ARMC3: variants seen among roughly 807,000 people sequenced by gnomAD.
ARMC3 encodes the protein armadillo repeat-containing protein 3.
In ARMC3, 74 loss-of-function variants were observed where a neutral mutation model predicts 90.3. That is an observed-to-expected ratio of 0.82 (90% confidence interval 0.68 to 0.99). The LOEUF is 0.99. ARMC3 is among the 50% of genes least tolerant of loss of function. The pLI is 0.00. For synonymous variants in ARMC3, 334 were observed against 361.8 expected (o/e 0.92, Z 0.87); for missense variants, 958 against 1,042.8 (o/e 0.92, Z 1.12).
intron 10 of ARMC3, among the ~76,000 whole-genome samples, chr10:22,996,935 T>A (rs978708140): frequency 7.3e-5 from 11 of 151,178 alleles, no homozygotes; most frequent in Non-Finnish European, 8.9e-5. Context: ...TTTTTTTTTT[T>A]AATTTTGGTT....
intron 16 of ARMC3, chr10:23,014,062 T>G: frequency 6.5e-7 from 1 of 1,546,434 alleles, no homozygotes; most frequent in East Asian, 2.4e-5. Context: ...TTCTTTGTAC[T>G]GTCTTCACTC....
intron 10 of ARMC3, among the ~76,000 whole-genome samples, chr10:22,997,947 A>G (rs1837072832): frequency 6.6e-6 from 1 of 152,234 alleles, no homozygotes; most frequent in South Asian, 2.1e-4. Context: ...AAAAAGAATT[A>G]TTTAAATTCA....
intron 16 of ARMC3, among the ~76,000 whole-genome samples, chr10:23,012,123 T>A (rs1399864957): frequency 6.6e-6 from 1 of 152,210 alleles, no homozygotes; most frequent in African/African-American, 2.4e-5. Flanking sequence ...TTCTTACAGC[T>A]CAATCTGGTT....
chr10:23,016,669 G>A (rs1050510725), intron 16 of ARMC3, among the ~76,000 whole-genome samples: 2 of 152,160 alleles, frequency 1.3e-5, no homozygotes, highest in Non-Finnish European at 2.9e-5. Flanking sequence ...AGACTTCATG[G>A]GAAAGAAGTC....
At chr10:22,994,556 CAAAAAA>C (rs902641055) in intron 10 of ARMC3, among the ~76,000 whole-genome samples, 1 of 151,882 alleles carries the variant, frequency 6.6e-6, no homozygotes, top group Admixed American at 6.6e-5. Flanking sequence ...AAAAATATAA[CAAAAAA>C]GAAAAAGAAA....
intron 8 of ARMC3, among the ~76,000 whole-genome samples, chr10:22,976,168 T>C (rs1226215588): frequency 6.6e-6 from 1 of 152,192 alleles, no homozygotes; most frequent in Non-Finnish European, 1.5e-5. Context: ...AGGCCCTTCA[T>C]TGTCTGTGGC....
chr10:23,030,586 A>C lies in ARMC3; in HGVS notation c.2046-10A>C. The C allele has an allele frequency of 6.2e-7, 1 of 1,606,734 alleles. No homozygotes were observed. Among genetic ancestry groups the C allele is most frequent in the Non-Finnish European group, 8.5e-7 (1 of 1,176,072 alleles). On this transcript the variant is annotated splice_polypyrimidine_tract_variant and intron_variant, in intron 16 of 18. Coordinates refer to ENST00000298032, the MANE Select transcript of ARMC3 (RefSeq NM_173081.5). Reference sequence around the variant, plus strand: ...GATGTGATTTTGATTGCCCTTGTTTACTTTCAAAGGAAAAGCAAAGGAAAA... The same window carrying C: ...GATGTGATTTTGATTGCCCTTGTTTCCTTTCAAAGGAAAAGCAAAGGAAAA...
intron 3 of ARMC3, among the ~76,000 whole-genome samples, chr10:22,954,325 A>C (rs1053641131): frequency 4.6e-5 from 7 of 152,288 alleles, no homozygotes; most frequent in Admixed American, 1.3e-4. Flanking sequence ...TCTTTTAAAA[A>C]AATTTTCTAG....
At chr10:22,940,714 G>A (rs2995679) in intron 2 of ARMC3, among the ~76,000 whole-genome samples, 57,403 of 151,864 alleles carry the variant, frequency 0.38, 11,789 homozygotes, top group African/African-American at 0.55. Flanking sequence ...TTGAATTCTC[G>A]GCCTCAAGTG....
At chr10:23,012,045 C>T (rs188972030) in intron 16 of ARMC3, among the ~76,000 whole-genome samples, 6 of 152,316 alleles carry the variant, frequency 3.9e-5, no homozygotes, top group African/African-American at 1.2e-4. Context: ...CTCACCCAGA[C>T]GAATGAACAC....
At chr10:23,007,937 A>G (rs923918617) in intron 14 of ARMC3, among the ~76,000 whole-genome samples, 2 of 151,944 alleles carry the variant, frequency 1.3e-5, no homozygotes, top group African/African-American at 2.4e-5. Context: ...AACCCCATCT[A>G]TACAAAAAAT....
In ARMC3 at chr10:23,038,040, G is replaced by C. The variant is rs1336165433; in HGVS notation, c.*561G>C. Reference sequence around the variant, plus strand: ...TCATCATTAAAAACACTTTAATATAGTGAATTAAAAATATTTCTAAAGTAT... The same window carrying C: ...TCATCATTAAAAACACTTTAATATACTGAATTAAAAATATTTCTAAAGTAT... On this transcript the variant is annotated 3_prime_UTR_variant, in exon 19 of 19. Transcript: ENST00000298032. 1 of 151,984 alleles carries C rather than the reference G, an allele frequency of 6.6e-6. No individual in the cohort carries two copies. The highest frequency in any genetic ancestry group is 1.5e-5 in the Non-Finnish European group (1 of 67,994). The allele number at this position is 151,984 out of a possible 1,614,324, so 9.4% of individuals were successfully genotyped here. A position where few individuals can be genotyped will look rare whatever the true frequency, so the allele number is the denominator to read the frequency against.
rs1413359952 is a variant in ARMC3, at chr10:23,037,358, C to G, written c.2498C>G (p.Ser833Cys). ...AATGAAGTCATGCTGCAGAATGACT[C>G]TCGGAAGGGAGTGATTGGGGGCCTC... Reference protein sequence around the residue: ...AWNEVMLQNDSRKGVIGGLPA... With the variant: ...AWNEVMLQNDCRKGVIGGLPA... Residue 833 changes from serine (S) to cysteine (C), a missense_variant, in exon 19 of 19, where the codon TCT (serine) becomes TGT (cysteine). By Grantham distance (112) the Ser-to-Cys change is moderately radical. Coordinates refer to ENST00000298032, the MANE Select transcript of ARMC3 (RefSeq NM_173081.5). 1.2e-6 allele frequency: 2 copies of G among 1,613,854 alleles called. No individual in the cohort carries two copies. The highest frequency in any genetic ancestry group is 3.3e-5 in the Admixed American group (2 of 59,992).
intron 10 of ARMC3, among the ~76,000 whole-genome samples, chr10:22,989,278 A>C (rs1176698864): frequency 6.6e-6 from 1 of 152,226 alleles, no homozygotes; most frequent in Non-Finnish European, 1.5e-5. Context: ...TGTGTTTAAC[A>C]GATGCTTGTG....
intron 6 of ARMC3, chr10:22,959,845 A>T (rs2131252154): frequency 1.9e-6 from 1 of 523,818 alleles, no homozygotes; most frequent in Non-Finnish European, 3.7e-6. Flanking sequence ...AATAAAATGT[A>T]CTTCTTTTGA....
At chr10:22,941,487 G>A (rs1834326240) in intron 2 of ARMC3, among the ~76,000 whole-genome samples, 1 of 152,128 alleles carries the variant, frequency 6.6e-6, no homozygotes, top group African/African-American at 2.4e-5. Flanking sequence ...AGTAAGATGA[G>A]AATGTGTCCA....
intron 3 of ARMC3, among the ~76,000 whole-genome samples, chr10:22,947,570 T>C (rs1019463981): frequency 6.6e-6 from 1 of 152,162 alleles, no homozygotes; most frequent in African/African-American, 2.4e-5. Context: ...ATTCACATAA[T>C]GGAGGCATAA....
chr10:23,024,393 C>CACAG lies in ARMC3; in HGVS notation c.2046-6202_2046-6201insCAGA, dbSNP rs1554787800. On this transcript the variant is annotated intron_variant, in intron 16 of 18. Transcript: ENST00000298032. The stretch of plus-strand genomic sequence containing the variant: ...GGATTAGGAAGAAAGAGGAATGCCA[C>CACAG]ATAGATAGATAGATAGATAGATAGA... Among the ~76,000 whole-genome samples the CACAG allele has an allele frequency of 2.4e-4, 32 of 133,440 alleles. 1 individual carries two copies. Among genetic ancestry groups the CACAG allele is most frequent in the East Asian group, 2.4e-3 (11 of 4,640 alleles). 87.5% of individuals were successfully genotyped at this position (133,440 alleles called of 152,430 possible).
At chr10:22,978,614 C>T (rs1320112423) in intron 8 of ARMC3, among the ~76,000 whole-genome samples, 2 of 152,156 alleles carry the variant, frequency 1.3e-5, no homozygotes. Flanking sequence ...CTTCATCAGA[C>T]ATGTCTTATT....
Sources: gnomAD v4.1 joint callset for allele counts (sites outside exome capture counted in the v4.1 genomes callset) on GRCh38, gnomAD v4.1.1 for gene constraint, MANE v1.5 for transcripts, NCBI Gene and HGNC (gene_info 2026-07-23, HGNC 2026-07-21) for gene names.